Variants in MYH13 observed in about 807,000 individuals in gnomAD.
MYH13 encodes myosin heavy chain 13, also known as myosin-13.
Under a neutral mutation model 232.1 loss-of-function variants are expected in MYH13, and 177 were observed. The ratio of observed to expected loss-of-function variants is 0.76; its 90% CI spans 0.67 to 0.86. MYH13 has a LOEUF of 0.86. Among genes scored for constraint, MYH13 ranks in the 40% least tolerant of loss-of-function variants. The pLI is 0.00. For synonymous variants in MYH13, 884 were observed against 923.5 expected, an observed-to-expected ratio of 0.96 and a Z score of 0.78; for missense variants, 2,246 against 2,405.9, an observed-to-expected ratio of 0.93 and a Z score of 1.39.
intron 21 of MYH13, among the ~76,000 whole-genome samples, chr17:10,329,406 C>T (rs950743013): frequency 2.0e-5 from 3 of 152,248 alleles, no homozygotes; most frequent in Non-Finnish European, 2.9e-5. Context: ...TACTTCAGGT[C>T]CTTGTCATCC....
Position 10,333,209 on chromosome 17 carries a change from C to A in MYH13, c.2057-18G>T. On this transcript the variant is annotated intron_variant, in intron 18 of 40. Transcript: ENST00000252172. Reference sequence around the variant, plus strand: ...CATCACACCTGGAGAGAGAACGTCCCGGGGGTGTGCCTGTGACCCCTTCAT... The same window carrying A: ...CATCACACCTGGAGAGAGAACGTCCAGGGGGTGTGCCTGTGACCCCTTCAT... 1 of 1,510,024 alleles carries A rather than the reference C, an allele frequency of 6.6e-7. No individual in the cohort carries two copies. The highest frequency in any genetic ancestry group is 9.0e-7 in the Non-Finnish European group (1 of 1,109,510). The allele number at this position is 1,510,024 out of a possible 1,614,324, so 93.5% of individuals were successfully genotyped here. A position where few individuals can be genotyped will look rare whatever the true frequency, so the allele number is the denominator to read the frequency against.
chr17:10,364,117 C>T (rs2071814461), intron 3 of MYH13, among the ~76,000 whole-genome samples: 1 of 152,162 alleles, frequency 6.6e-6, no homozygotes, highest in East Asian at 1.9e-4. Flanking sequence ...CCACAAAACC[C>T]CTCAAAGCCC....
chr17:10,335,605 G>A (rs10083868), intron 18 of MYH13, among the ~76,000 whole-genome samples: 27 of 151,790 alleles, frequency 1.8e-4, no homozygotes, highest in Non-Finnish European at 2.4e-4. Flanking sequence ...ATATGAAAAC[G>A]TAGCTGGGTG....
chr17:10,366,271 T>G (rs2071836159), intron 2 of MYH13, among the ~76,000 whole-genome samples: 1 of 151,900 alleles, frequency 6.6e-6, no homozygotes, highest in South Asian at 2.1e-4. Flanking sequence ...CCTTCTCTCC[T>G]CTTTTCCTTC....
At chr17:10,370,797 C>T (rs2071872417) in intron 2 of MYH13, among the ~76,000 whole-genome samples, 1 of 152,142 alleles carries the variant, frequency 6.6e-6, no homozygotes, top group African/African-American at 2.4e-5. Context: ...TTGAACGGAT[C>T]CCTCCCCATT....
At chr17:10,309,189 C>A (rs1314280100) in intron 35 of MYH13, 45 bp downstream of exon 35, 2 of 1,586,274 alleles carry the variant, frequency 1.3e-6, no homozygotes, top group African/African-American at 2.7e-5. Flanking sequence ...GAGGCGCTAT[C>A]TGCCCCAGGG....
In MYH13 at chr17:10,345,717, A is replaced by G. The variant is rs374231624; in HGVS notation, c.1264-101T>C. 42 of 1,594,972 alleles carry G rather than the reference A, an allele frequency of 2.6e-5. No individual in the cohort carries two copies. The East Asian group carries it at 3.8e-4, about 14-fold the overall frequency. Reference sequence around the variant, plus strand: ...ACTCGAAAATCAAAAGCTGTTGGCTAGGCGTGGTGGCTCACACCTGTAATC... The same window carrying G: ...ACTCGAAAATCAAAAGCTGTTGGCTGGGCGTGGTGGCTCACACCTGTAATC... On this transcript the variant is annotated intron_variant, in intron 13 of 40. Transcript: ENST00000252172.
intron 3 of MYH13, among the ~76,000 whole-genome samples, chr17:10,363,240 C>T (rs903199318): frequency 3.6e-5 from 5 of 138,784 alleles, no homozygotes; most frequent in Admixed American, 8.2e-5. Flanking sequence ...GGCGTGAATC[C>T]GGGAGGCGGA....
At chr17:10,314,053 C>T (rs935436734) in intron 29 of MYH13, among the ~76,000 whole-genome samples, 2 of 152,214 alleles carry the variant, frequency 1.3e-5, no homozygotes, top group Admixed American at 6.5e-5. Flanking sequence ...GGCCACAAGA[C>T]GCCCTCTGGT....
intron 3 of MYH13, among the ~76,000 whole-genome samples, chr17:10,363,691 C>A (rs1042479969): frequency 1.3e-5 from 2 of 152,078 alleles, no homozygotes; most frequent in African/African-American, 4.8e-5. Context: ...GGTGAGGGCA[C>A]CCCAAGAGTG....
At chr17:10,351,065 CA>C (rs1222802660) in intron 11 of MYH13, among the ~76,000 whole-genome samples, 1 of 151,602 alleles carries the variant, frequency 6.6e-6, no homozygotes, top group Non-Finnish European at 1.5e-5. Context: ...ACTAAAAATA[CA>C]AAAAATTAGC....
chr17:10,363,206 C>T (rs2071807158), intron 3 of MYH13, among the ~76,000 whole-genome samples: 1 of 149,744 alleles, frequency 6.7e-6, no homozygotes, highest in Admixed American at 6.8e-5. Flanking sequence ...AGAACAGCTA[C>T]TAGGGAGGCT....
rs1476287480 is a variant in MYH13 at position 10,312,870 on chromosome 17, C to A, written c.4182-113G>T. Reference sequence around the variant, plus strand: ...TGGAAGGGACTGGTGTTTGATGAGACCAAGACCTAGGATTTGGTGAGTGGG... The same window carrying A: ...TGGAAGGGACTGGTGTTTGATGAGAACAAGACCTAGGATTTGGTGAGTGGG... On this transcript the variant is annotated intron_variant, in intron 30 of 40. Transcript: ENST00000252172. The A allele has an allele frequency of 5.5e-6, 7 of 1,264,462 alleles. No homozygotes were observed. The African/African-American group carries it at 7.6e-5, about 14-fold the overall frequency. 78.3% of individuals were successfully genotyped at this position (1,264,462 alleles called of 1,614,324 possible).
At chr17:10,338,689 G>GTTTTTTTTTTTTTTTTTTTT (rs757791680) in intron 18 of MYH13, among the ~76,000 whole-genome samples, 9 of 108,814 alleles carry the variant, frequency 8.3e-5, no homozygotes, top group South Asian at 2.7e-4. Context: ...TTTTATCCTT[G>GTTTTTTTTTTTTTTTTTTTT]TTTTTTTTTT....
In MYH13 at chr17:10,303,395, T is replaced by C. The variant is rs767313943; in HGVS notation, c.5570A>G (p.Gln1857Arg). The C allele has an allele frequency of 1.4e-5, 23 of 1,613,758 alleles. No homozygotes were observed. The highest frequency in any genetic ancestry group is 1.9e-5 in the Non-Finnish European group (23 of 1,179,796). The change falls in exon 38 of 41, where the codon CAG (glutamine) becomes CGG (arginine). Residue 1857 changes from glutamine to arginine, a missense_variant and splice_region_variant. Transcript: ENST00000252172. ...TGAGGAGGTTTTTGGGACCCCTACC[T>C]GGTAAGTCATCTCCTTGACTTTGCG... ...YERKVKEMTY[Q>R]AEEDHKNILR...
chr17:10,303,515 GA>G lies in MYH13; in HGVS notation c.5467-18del. ...CTCCCGCACCTGAGTAGGATGAAAG[GA>G]ACACAGAATTCAAATCTCCTCTCCC... On this transcript the variant is annotated intron_variant, in intron 37 of 40. Coordinates refer to ENST00000252172, the MANE Select transcript of MYH13 (RefSeq NM_003802.3). 1 of 1,607,244 alleles carries G rather than the reference GA, an allele frequency of 6.2e-7. No individual in the cohort carries two copies. Among genetic ancestry groups the G allele is most frequent in the Non-Finnish European group, 8.5e-7 (1 of 1,173,726 alleles).
rs540882977 is a variant in MYH13 at position 10,364,557 on chromosome 17, G to C, written c.-12-15C>G. 46 of 1,562,226 alleles carry C rather than the reference G, an allele frequency of 2.9e-5. No individual in the cohort carries two copies. Among genetic ancestry groups the C allele is most frequent in the Non-Finnish European group, 4.0e-5 (46 of 1,150,864 alleles). ...ACTGCAGAGGGCTGGGAAGACCAGA[G>C]GGACTGCTGAGTCTTGTGCTTGGGT... On this transcript the variant is annotated splice_polypyrimidine_tract_variant and intron_variant, in intron 2 of 40. Coordinates refer to ENST00000252172, the MANE Select transcript of MYH13 (RefSeq NM_003802.3).
At chr17:10,315,386 G>A (rs1431968259) in intron 29 of MYH13, among the ~76,000 whole-genome samples, 2 of 152,176 alleles carry the variant, frequency 1.3e-5, no homozygotes, top group East Asian at 3.9e-4. Flanking sequence ...TCCGCCCCCT[G>A]GGTTCAAGGA....
intron 16 of MYH13, chr17:10,341,352 A>T (rs2071618381): frequency 6.6e-6 from 1 of 152,124 alleles, no homozygotes. Context: ...GTGCCTGGCA[A>T]TGTTTGTAGT....
Sources: allele counts gnomAD v4.1 joint callset (sites outside exome capture counted in the v4.1 genomes callset), GRCh38; gene constraint gnomAD v4.1.1; transcripts MANE v1.5; gene names NCBI Gene and HGNC (gene_info 2026-07-23, HGNC 2026-07-21).